Variants in SYT2 observed in about 807,000 individuals in gnomAD.
The protein encoded by SYT2 is synaptotagmin-2.
In SYT2, 15 loss-of-function variants were observed where a neutral mutation model predicts 39.9. The ratio of observed to expected loss-of-function variants is 0.38; its 90% CI spans 0.25 to 0.58. SYT2 has a LOEUF of 0.58. Ranked by LOEUF, SYT2 falls within the 20% of genes least tolerant of loss-of-function variation. SYT2 has a pLI of 0.70. For missense variants in SYT2, 389 were observed against 530.3 expected (o/e 0.73, Z 2.62); for synonymous variants, 181 against 204.5 (o/e 0.89, Z 0.98).
chr1:202,605,389 C>G, intron 2 of SYT2: 1 of 434,658 alleles, frequency 2.3e-6, no homozygotes, highest in South Asian at 7.6e-5. Context: ...GAGAAGTTGA[C>G]GCACATAAAC....
At chr1:202,653,355 T>G (rs1207355861) in intron 1 of SYT2, among the ~76,000 whole-genome samples, 4 of 152,236 alleles carry the variant, frequency 2.6e-5, no homozygotes. Context: ...CAGTTCTGAC[T>G]GACTTGTCCT....
In SYT2 at chr1:202,650,324, A is replaced by T. The variant is rs181700863; in HGVS notation, c.-17-44535T>A. 4.6e-4 allele frequency among the ~76,000 whole-genome samples: 70 copies of T among 152,248 alleles called. 1 individual carries two copies. Among genetic ancestry groups the T allele is most frequent in the African/African-American group, 1.4e-3 (58 of 41,548 alleles). On this transcript the variant is annotated intron_variant, in intron 1 of 8. Transcript: ENST00000367268. The stretch of plus-strand genomic sequence containing the variant: ...GGGTCATGTGCTTGCACGCAGTGAC[A>T]CTTCCATTGCCACCTACTGGTTGGG...
At chr1:202,627,289 C>G (rs1011420055) in intron 1 of SYT2, among the ~76,000 whole-genome samples, 1 of 152,180 alleles carries the variant, frequency 6.6e-6, no homozygotes, top group Non-Finnish European at 1.5e-5. Flanking sequence ...TTGTTTACGA[C>G]TGCATTTCCT....
chr1:202,638,719 T>C (rs1359914783), intron 1 of SYT2, among the ~76,000 whole-genome samples: 4 of 152,204 alleles, frequency 2.6e-5, no homozygotes, highest in African/African-American at 9.7e-5. Flanking sequence ...CGCTGCAACC[T>C]TCCTTTTCAG....
intron 1 of SYT2, among the ~76,000 whole-genome samples, chr1:202,640,781 A>AGAGG (rs1691891608): frequency 7.0e-6 from 1 of 143,294 alleles, no homozygotes; most frequent in African/African-American, 2.8e-5. Flanking sequence ...AGAGAGAGAG[A>AGAGG]GAGAGAGAGA....
intron 8 of SYT2, among the ~76,000 whole-genome samples, chr1:202,598,731 C>G (rs1217902389): frequency 1.3e-5 from 2 of 152,136 alleles, no homozygotes; most frequent in Non-Finnish European, 2.9e-5. Context: ...ACAGAACTTG[C>G]TGGTGAGAAG....
intron 1 of SYT2, among the ~76,000 whole-genome samples, chr1:202,607,780 G>T (rs1690755818): frequency 6.6e-6 from 1 of 152,284 alleles, no homozygotes; most frequent in African/African-American, 2.4e-5. Flanking sequence ...GGTTTGGCGG[G>T]AACTGCAAGT....
intron 1 of SYT2, among the ~76,000 whole-genome samples, chr1:202,645,993 T>G (rs900287822): frequency 3.3e-5 from 5 of 152,186 alleles, no homozygotes; most frequent in Non-Finnish European, 1.5e-5. Context: ...GGATAATTCT[T>G]CACTCCACTG....
chr1:202,706,435 C>A (rs533757563), intron 1 of SYT2, among the ~76,000 whole-genome samples: 1 of 152,232 alleles, frequency 6.6e-6, no homozygotes, highest in South Asian at 2.1e-4. Context: ...ACTCCTCCCG[C>A]GCCAGGCACT....
intron 1 of SYT2, among the ~76,000 whole-genome samples, chr1:202,624,290 T>TA (rs758454036): frequency 3.7e-4 from 54 of 144,618 alleles, no homozygotes; most frequent in Non-Finnish European, 2.9e-4. Flanking sequence ...GTATATATGG[T>TA]GTGTGTGTGA....
chr1:202,640,539 C>T (rs1482109379), intron 1 of SYT2, among the ~76,000 whole-genome samples: 2 of 151,840 alleles, frequency 1.3e-5, no homozygotes, highest in Admixed American at 6.5e-5. Flanking sequence ...CTGGCTTTAC[C>T]GCCTCTCTGC....
chr1:202,686,700 T>G (rs1187628908), intron 1 of SYT2, among the ~76,000 whole-genome samples: 3 of 152,114 alleles, frequency 2.0e-5, no homozygotes, highest in African/African-American at 7.2e-5. Flanking sequence ...CCTACGTCAT[T>G]GTCCCAAACA....
At chr1:202,665,261 G>A (rs1027387379) in intron 1 of SYT2, among the ~76,000 whole-genome samples, 4 of 152,190 alleles carry the variant, frequency 2.6e-5, no homozygotes, top group African/African-American at 9.7e-5. Context: ...GTAAAGCACA[G>A]AGTCAAAGGT....
intron 1 of SYT2, among the ~76,000 whole-genome samples, chr1:202,670,152 A>C (rs766902954): frequency 6.6e-6 from 1 of 152,164 alleles, no homozygotes; most frequent in African/African-American, 2.4e-5. Flanking sequence ...AGGCGTTTTC[A>C]GTGTTTAGGG....
chr1:202,657,315 A>G (rs1692294477), intron 1 of SYT2, among the ~76,000 whole-genome samples: 1 of 152,222 alleles, frequency 6.6e-6, no homozygotes, highest in African/African-American at 2.4e-5. Context: ...GGCACCCTTT[A>G]GAAGAGATGC....
intron 1 of SYT2, among the ~76,000 whole-genome samples, chr1:202,666,356 AAAG>A (rs1341407547): frequency 6.6e-6 from 1 of 152,118 alleles, no homozygotes; most frequent in Non-Finnish European, 1.5e-5. Flanking sequence ...CTCTTCCCTC[AAAG>A]AAGATTCCCA....
intron 1 of SYT2, chr1:202,639,800 C>T (rs1471091151): frequency 6.1e-6 from 6 of 985,328 alleles, no homozygotes; most frequent in East Asian, 1.1e-4. Flanking sequence ...GAGGCCAGTG[C>T]GCAGCAAGAG....
At chr1:202,603,530 C>T (rs893762789) in intron 3 of SYT2, among the ~76,000 whole-genome samples, 3 of 152,126 alleles carry the variant, frequency 2.0e-5, no homozygotes, top group Non-Finnish European at 4.4e-5. Flanking sequence ...ACCAGAAGTA[C>T]GGTCCAGGCA....
chr1:202,647,509 T>C (rs58023111), intron 1 of SYT2, among the ~76,000 whole-genome samples: 69,084 of 151,614 alleles, frequency 0.46, 15,968 homozygotes, highest in Middle Eastern at 0.6. Flanking sequence ...CCTGCAACAG[T>C]AGCTGAGGCT....
Sources: gnomAD v4.1 joint callset for allele counts (sites outside exome capture counted in the v4.1 genomes callset) on GRCh38, gnomAD v4.1.1 for gene constraint, MANE v1.5 for transcripts, NCBI Gene and HGNC (gene_info 2026-07-23, HGNC 2026-07-21) for gene names.